TBL1X: variants seen among roughly 807,000 people sequenced by gnomAD.
The protein encoded by TBL1X is F-box-like/WD repeat-containing protein TBL1X.
TBL1X carries 10 observed loss-of-function variants against 50.7 expected under a neutral mutation model. That is an observed-to-expected ratio of 0.20 (90% CI 0.12 to 0.33). The LOEUF (loss-of-function observed/expected upper bound fraction) is 0.33, where lower values mean the gene tolerates loss of function less well. Among genes scored for constraint, TBL1X ranks in the 10% least tolerant of loss-of-function variants. The pLI is 1.00. For synonymous variants in TBL1X, 190 were observed against 214.7 expected, an observed-to-expected ratio of 0.88 and a Z score of 1.01; for missense variants, 340 against 504.4, an observed-to-expected ratio of 0.67 and a Z score of 3.12.
intron 2 of TBL1X, among the ~76,000 whole-genome samples, chrX:9,625,696 T>C (rs908246206): frequency 8.9e-6 from 1 of 112,201 alleles, no homozygotes; most frequent in African/African-American, 3.2e-5. Flanking sequence ...CCCAGCACTT[T>C]GGGAGACTGA....
At chrX:9,553,097 G>T (rs2082278516) in intron 2 of TBL1X, among the ~76,000 whole-genome samples, 2 of 111,143 alleles carry the variant, frequency 1.8e-5, no homozygotes, top group African/African-American at 6.6e-5. Context: ...GAGCCATGTT[G>T]GCGCCACTGC....
chrX:9,465,054 C>A, upstream of TBL1X: 1 of 111,637 alleles, frequency 9.0e-6, no homozygotes, highest in South Asian at 3.0e-4. Context: ...TGGCTGGGGT[C>A]CGCGCGCTCG....
chrX:9,702,167 G>A (rs1452170416), intron 12 of TBL1X, among the ~76,000 whole-genome samples: 1 of 111,478 alleles, frequency 9.0e-6, no homozygotes, highest in Non-Finnish European at 1.9e-5. Context: ...TGGGTGCGTT[G>A]GCTCATTCCT....
At chrX:9,627,506 AGTT>A (rs1241684837) in intron 2 of TBL1X, among the ~76,000 whole-genome samples, 3 of 112,292 alleles carry the variant, frequency 2.7e-5, no homozygotes, top group East Asian at 5.5e-4. Flanking sequence ...AATTGAAGGC[AGTT>A]GTTTGTAGGT....
intron 2 of TBL1X, among the ~76,000 whole-genome samples, chrX:9,571,075 G>A (rs1024703860): frequency 8.9e-6 from 1 of 112,439 alleles, no homozygotes; most frequent in Non-Finnish European, 1.9e-5. Context: ...ACCACAGGCT[G>A]TGTGGCTTAA....
At chrX:9,514,973 G>A (rs1318274321) in intron 2 of TBL1X, among the ~76,000 whole-genome samples, 1 of 111,799 alleles carries the variant, frequency 8.9e-6, no homozygotes, top group Non-Finnish European at 1.9e-5. Context: ...GGGAGCGTTG[G>A]TGACAACCCC....
At position 9,471,625 on chromosome X, in the gene TBL1X, A is replaced by G. The variant is rs762187311; in HGVS notation, c.-201+6178A>G. Among the ~76,000 whole-genome samples the G allele has an allele frequency of 2.8e-4, 31 of 112,204 alleles. 1 individual carries two copies. The South Asian group carries it at 5.2e-3, about 19-fold the overall frequency. Reference sequence around the variant, plus strand: ...GTTGCGCATTTTAGTTCAGAAACCCACAGCGAGTCAGAAGGCGCTTTGTGC... The same window carrying G: ...GTTGCGCATTTTAGTTCAGAAACCCGCAGCGAGTCAGAAGGCGCTTTGTGC... On this transcript the variant is annotated intron_variant, in intron 1 of 17. Coordinates refer to ENST00000645353, the MANE Select transcript of TBL1X (RefSeq NM_005647.4).
intron 5 of TBL1X, among the ~76,000 whole-genome samples, chrX:9,671,117 G>T (rs1368061954): frequency 4.5e-5 from 5 of 111,412 alleles, no homozygotes; most frequent in Non-Finnish European, 9.4e-5. Context: ...CCACCCTCAG[G>T]CCCAGTGGTT....
intron 2 of TBL1X, among the ~76,000 whole-genome samples, chrX:9,601,297 G>A (rs765274689): frequency 2.1e-4 from 23 of 111,214 alleles, no homozygotes; most frequent in Non-Finnish European, 3.8e-4. Flanking sequence ...TCTTCAGGAA[G>A]GGGTTTTGGG....
chrX:9,515,597 T>C, intron 2 of TBL1X, among the ~76,000 whole-genome samples: 1 of 111,928 alleles, frequency 8.9e-6, no homozygotes, highest in Non-Finnish European at 1.9e-5. Context: ...TTTCCTTTGG[T>C]CTGGGGATTG....
intron 2 of TBL1X, among the ~76,000 whole-genome samples, chrX:9,506,696 A>G (rs2082027801): frequency 8.9e-6 from 1 of 112,191 alleles, no homozygotes; most frequent in Admixed American, 9.4e-5. Context: ...GAAGAAATGA[A>G]TAAATTCCTG....
intron 2 of TBL1X, among the ~76,000 whole-genome samples, chrX:9,524,128 C>T (rs2082121004): frequency 9.1e-6 from 1 of 109,857 alleles, no homozygotes; most frequent in Non-Finnish European, 1.9e-5. Context: ...CCACCACACC[C>T]AGCTAATTTT....
At chrX:9,706,418 A>G (rs1443285021) in intron 13 of TBL1X, among the ~76,000 whole-genome samples, 1 of 111,299 alleles carries the variant, frequency 9.0e-6, no homozygotes. Context: ...GGTGGAAAAC[A>G]TCAACATTTA....
chrX:9,517,152 C>T (rs1046546734), intron 2 of TBL1X, among the ~76,000 whole-genome samples: 3 of 111,121 alleles, frequency 2.7e-5, no homozygotes, highest in Admixed American at 9.6e-5. Flanking sequence ...CCAGGAAAGG[C>T]GAGAGGAAGA....
intron 1 of TBL1X, among the ~76,000 whole-genome samples, chrX:9,485,527 A>G (rs1363987954): frequency 3.6e-5 from 4 of 111,799 alleles, no homozygotes; most frequent in Admixed American, 9.5e-5. Flanking sequence ...ACACTCCCCC[A>G]AATGGGAGTC....
At chrX:9,556,505 A>C (rs2082300595) in intron 2 of TBL1X, among the ~76,000 whole-genome samples, 2 of 109,335 alleles carry the variant, frequency 1.8e-5, no homozygotes, top group African/African-American at 6.7e-5. Flanking sequence ...CTAAAAAAAA[A>C]AAAGCCAGGC....
At chrX:9,620,923 G>C (rs2082663729) in intron 2 of TBL1X, among the ~76,000 whole-genome samples, 1 of 112,088 alleles carries the variant, frequency 8.9e-6, no homozygotes, top group Non-Finnish European at 1.9e-5. Flanking sequence ...GCGGAGCCAA[G>C]AAGGGGAGAG....
chrX:9,692,026 A>T, intron 8 of TBL1X, 87 bp from the exon 9 acceptor site: 1 of 1,159,110 alleles, frequency 8.6e-7, no homozygotes, highest in African/African-American at 1.8e-5. Context: ...TGTGCTGAAG[A>T]TGCCCTCTGG....
At chrX:9,465,705 C>G (rs1215860394) in intron 1 of TBL1X, among the ~76,000 whole-genome samples, 1 of 112,689 alleles carries the variant, frequency 8.9e-6, no homozygotes, top group Non-Finnish European at 1.9e-5. Flanking sequence ...CGGGGAGAGA[C>G]GGAGGTCGGC....
Sources: allele counts gnomAD v4.1 joint callset (sites outside exome capture counted in the v4.1 genomes callset), GRCh38; gene constraint gnomAD v4.1.1; transcripts MANE v1.5; gene names NCBI Gene and HGNC (gene_info 2026-07-23, HGNC 2026-07-21).